Variants in FOXN3 observed in about 807,000 individuals in gnomAD.
The protein encoded by FOXN3 is forkhead box N3, also known as forkhead box protein N3.
A neutral mutation model predicts 38.4 loss-of-function variants in FOXN3; 7 were observed. That is an observed-to-expected ratio of 0.18 (90% confidence interval 0.10 to 0.34). The LOEUF is 0.34. Among genes scored for constraint, FOXN3 ranks in the 10% least tolerant of loss-of-function variants. The pLI is 1.00. For missense variants in FOXN3, 456 were observed against 613.4 expected (o/e 0.74, Z 2.71); for synonymous variants, 230 against 242.2 (o/e 0.95, Z 0.47).
chr14:89,323,719 A>AAAAC (rs56120412), intron 3 of FOXN3, among the ~76,000 whole-genome samples: 52,127 of 150,524 alleles, frequency 0.35, 10,189 homozygotes, highest in African/African-American at 0.54. Context: ...ACTCCATCGC[A>AAAAC]AAACAAACAA....
rs1328163439 is a variant in FOXN3 at position 89,455,935 on chromosome 14, C to T, written c.-14-43445G>A. ...CACAGGCCAGGCGCGGTGGCTCATG[C>T]CTGTAATCCCAGCACTTTGGGAGGC... On this transcript the variant is annotated intron_variant, in intron 1 of 6. Coordinates refer to the FOXN3 transcript ENST00000345097. Among the ~76,000 whole-genome samples, 4 of 152,168 alleles carry T rather than the reference C, an allele frequency of 2.6e-5. No homozygotes were observed. The East Asian group carries it at 7.7e-4, about 29-fold the overall frequency.
At chr14:89,408,043 T>C (rs1028645949) in intron 2 of FOXN3, among the ~76,000 whole-genome samples, 1 of 152,198 alleles carries the variant, frequency 6.6e-6, no homozygotes, top group Non-Finnish European at 1.5e-5. Flanking sequence ...CTTTCAGAGA[T>C]AAAACGAAAG....
At chr14:89,325,214 G>GCACCACCACCACCACCACCACCACCAC (rs756831446) in intron 3 of FOXN3, among the ~76,000 whole-genome samples, 2 of 140,238 alleles carry the variant, frequency 1.4e-5, no homozygotes, top group Admixed American at 7.1e-5. Context: ...CAACACACAT[G>GCACCACCACCACCACCACCACCACCAC]CACCACCACC....
At position 89,163,723 on chromosome 14, in the gene FOXN3, T is replaced by A. The variant is rs1887166814; in HGVS notation, c.852-754A>T. Among the ~76,000 whole-genome samples, 1 of 152,152 alleles carries A rather than the reference T, an allele frequency of 6.6e-6. No homozygotes were observed. Among genetic ancestry groups the A allele is most frequent in the Admixed American group, 6.5e-5 (1 of 15,280 alleles). On this transcript the variant is annotated intron_variant, in intron 5 of 5. Transcript: ENST00000557258. This position sits in a 1 kb window ranked among gnomAD's most constrained non-coding sequence, Gnocchi z 4.3. ...GTCTGTGCAGAGGACCATGTTTAAC[T>A]CCGTAAGGTGGATATTAGCATCCTT...
intron 1 of FOXN3, among the ~76,000 whole-genome samples, chr14:89,606,179 A>T (rs982407487): frequency 6.6e-6 from 1 of 152,250 alleles, no homozygotes; most frequent in Non-Finnish European, 1.5e-5. Flanking sequence ...CTAGAAATGC[A>T]TAAATTGGTA....
intron 4 of FOXN3, among the ~76,000 whole-genome samples, chr14:89,235,937 G>A (rs2139860336): frequency 6.8e-6 from 1 of 148,132 alleles, no homozygotes; most frequent in East Asian, 1.9e-4. Context: ...ACTAGGTTTG[G>A]GGTGATTTGT....
Position 89,363,287 on chromosome 14 carries a change from C to T in FOXN3, c.544-12479G>A, listed in dbSNP as rs147688756. On this transcript the variant is annotated intron_variant, in intron 2 of 5. Transcript: ENST00000557258. ...CACCATACCTCCTCTGGCCTTCCCA[C>T]CAAACCCCTGCATGGGGTCCAAGTT... 4.6e-5 allele frequency among the ~76,000 whole-genome samples: 7 copies of T among 152,300 alleles called. No homozygotes were observed. The East Asian group carries it at 1.4e-3, about 29-fold the overall frequency.
At chr14:89,166,318 C>G (rs923442889) in intron 5 of FOXN3, among the ~76,000 whole-genome samples, 1 of 152,058 alleles carries the variant, frequency 6.6e-6, no homozygotes, top group Non-Finnish European at 1.5e-5. Flanking sequence ...AAAGAGATCC[C>G]ATGGATTAAA....
chr14:89,308,522 C>T (rs1254224290), intron 3 of FOXN3, among the ~76,000 whole-genome samples: 1 of 152,156 alleles, frequency 6.6e-6, no homozygotes, highest in Non-Finnish European at 1.5e-5. Context: ...ATGAAGATAC[C>T]TGGTGAAGTT....
At chr14:89,290,711 G>T in intron 3 of FOXN3, 1 of 378,398 alleles carries the variant, frequency 2.6e-6, no homozygotes, top group East Asian at 7.3e-5. Flanking sequence ...AGCTTCTGTG[G>T]GGAGACGTAC....
intron 2 of FOXN3, among the ~76,000 whole-genome samples, chr14:89,390,614 T>C (rs1051329226): frequency 6.6e-6 from 1 of 151,990 alleles, no homozygotes; most frequent in African/African-American, 2.4e-5. Flanking sequence ...TGTGCCTTTA[T>C]TCTAGGGGGG....
chr14:89,337,113 G>A (rs753326386), intron 3 of FOXN3, among the ~76,000 whole-genome samples: 13 of 152,118 alleles, frequency 8.5e-5, no homozygotes, highest in South Asian at 4.1e-4. Flanking sequence ...ATGGTATGCC[G>A]CCAGAATGCC....
At chr14:89,183,154 T>C (rs899768416) in intron 4 of FOXN3, among the ~76,000 whole-genome samples, 7 of 152,136 alleles carry the variant, frequency 4.6e-5, no homozygotes, top group South Asian at 2.1e-4. Context: ...GTTTTGGGGA[T>C]TGTGGGAGAG....
At position 89,511,169 on chromosome 14, in the gene FOXN3, C is replaced by CT. The variant is rs1555358054; in HGVS notation, c.-14-98680dup. 8.7e-4 allele frequency among the ~76,000 whole-genome samples: 14 copies of CT among 16,084 alleles called. 3 individuals are homozygous for CT. In the Admixed American group the frequency reaches 0.01, roughly 12 times the overall value. The allele number at this position is 16,084 out of a possible 152,430, so 10.6% of individuals were successfully genotyped here. A position where few individuals can be genotyped will look rare whatever the true frequency, so the allele number is the denominator to read the frequency against. ...TCTTTCTTTCTTTCTTTCTTTCTTT[C>CT]TTTCTTTCTTTCTTTCTTTCTTTTC... On this transcript the variant is annotated intron_variant, in intron 1 of 6. Coordinates refer to the FOXN3 transcript ENST00000345097.
chr14:89,364,662 T>C (rs1297121450), intron 2 of FOXN3: 1 of 152,264 alleles, frequency 6.6e-6, no homozygotes, highest in Non-Finnish European at 1.5e-5. Context: ...GCTATTATTT[T>C]ACAGATGTGT....
intron 3 of FOXN3, among the ~76,000 whole-genome samples, chr14:89,335,475 TAA>T (rs1283269509): frequency 6.6e-6 from 1 of 152,242 alleles, no homozygotes; most frequent in Non-Finnish European, 1.5e-5. Flanking sequence ...TCCTACGATC[TAA>T]GTCTTGCCTC....
At position 89,524,046 on chromosome 14, in the gene FOXN3, C is replaced by A. The variant is rs554691449; in HGVS notation, c.-15+94982G>T. Among the ~76,000 whole-genome samples, 153 of 148,812 alleles carry A rather than the reference C, an allele frequency of 1.0e-3. 1 individual carries two copies. Among genetic ancestry groups the A allele is most frequent in the South Asian group, 2.0e-3 (9 of 4,496 alleles). ...AAAGTGCTGAGATTACAGGCGTGAG[C>A]CACCACGCCTAGCCAAATAATTTGT... is the stretch of plus-strand genomic sequence containing the variant. On this transcript the variant is annotated intron_variant, in intron 1 of 6. Coordinates refer to the FOXN3 transcript ENST00000345097.
chr14:89,400,704 T>C (rs1042409671), intron 2 of FOXN3, among the ~76,000 whole-genome samples: 7 of 152,168 alleles, frequency 4.6e-5, no homozygotes, highest in African/African-American at 9.7e-5. Context: ...CTTGGACATT[T>C]TGAGCCATTG....
In FOXN3 at chr14:89,519,279, C is replaced by T. The variant is rs557344851; in HGVS notation, c.-15+99749G>A. Among the ~76,000 whole-genome samples the T allele has an allele frequency of 6.6e-5, 10 of 152,146 alleles. No individual in the cohort carries two copies. The South Asian group carries it at 1.7e-3, about 25-fold the overall frequency. The stretch of plus-strand genomic sequence containing the variant: ...CTGCCGTCCAGAGGTGTTTGTGAGA[C>T]ATGCCTGCCGAGAGAAAATTCTTGG... On this transcript the variant is annotated intron_variant, in intron 1 of 6. Coordinates refer to the FOXN3 transcript ENST00000345097.
Sources: allele counts gnomAD v4.1 joint callset (sites outside exome capture counted in the v4.1 genomes callset), GRCh38; gene constraint gnomAD v4.1.1; non-coding constraint Gnocchi (gnomAD v3.1); transcripts MANE v1.5; gene names NCBI Gene and HGNC (gene_info 2026-07-23, HGNC 2026-07-21).